Variants in EZH2 observed in about 807,000 individuals in gnomAD.
EZH2 encodes the protein histone-lysine N-methyltransferase EZH2.
In EZH2, 18 loss-of-function variants were observed where a neutral mutation model predicts 98.4. That is an observed-to-expected ratio of 0.18 (90% CI 0.13 to 0.27). The LOEUF (loss-of-function observed/expected upper bound fraction) is 0.27, where lower values mean the gene tolerates loss of function less well. Ranked by LOEUF, EZH2 falls within the 10% of genes least tolerant of loss-of-function variation. EZH2 has a pLI of 1.00. For missense variants in EZH2, 470 were observed against 935.1 expected, an observed-to-expected ratio of 0.50 and a Z score of 6.49; for synonymous variants, 338 against 312.3, an observed-to-expected ratio of 1.08 and a Z score of -0.87.
intron 5 of EZH2, 97 bp from the exon 6 acceptor site, chr7:148,828,977 T>C: frequency 8.7e-7 from 1 of 1,153,492 alleles, no homozygotes; most frequent in South Asian, 1.4e-5. Context: ...CATAGCCTAG[T>C]AACTGGCACT....
intron 9 of EZH2, among the ~76,000 whole-genome samples, chr7:148,818,814 A>G (rs1446100933): frequency 6.6e-6 from 1 of 152,218 alleles, no homozygotes; most frequent in Non-Finnish European, 1.5e-5. Flanking sequence ...AGACCACAGA[A>G]ACATTTTAGA....
At position 148,826,208 on chromosome 7, in the gene EZH2, GA is replaced by G. The variant is rs910671757; in HGVS notation, c.907+245del. Among the ~76,000 whole-genome samples the G allele has an allele frequency of 0.017, 2,366 of 138,574 alleles. 20 individuals carry two copies. Among genetic ancestry groups the G allele is most frequent in the African/African-American group, 0.024 (897 of 37,822 alleles). The allele number at this position is 138,574 out of a possible 152,430, so 90.9% of individuals were successfully genotyped here. A position where few individuals can be genotyped will look rare whatever the true frequency, so the allele number is the denominator to read the frequency against. On this transcript the variant is annotated intron_variant, in intron 8 of 19. Coordinates refer to ENST00000320356, the MANE Select transcript of EZH2 (RefSeq NM_004456.5). ...AACTGCTTAGTTAGCACTTACGGGG[GA>G]AAAAAAAAAAAATCACTGACCTGAA...
chr7:148,835,159 C>CCAAAGT (rs1810541252), intron 3 of EZH2, among the ~76,000 whole-genome samples: 1 of 152,136 alleles, frequency 6.6e-6, no homozygotes, highest in South Asian at 2.1e-4. Context: ...GTGGCTCAAG[C>CCAAAGT]GTATAATCTC....
chr7:148,826,417 C>T (rs1807735601), intron 8 of EZH2, 37 bp downstream of exon 8: 1 of 1,487,758 alleles, frequency 6.7e-7, no homozygotes, highest in Non-Finnish European at 9.0e-7. Flanking sequence ...TGCTTTAAAA[C>T]ATAATTCCAC....
rs369310375 is a variant in EZH2, at chr7:148,828,728, A to C, written c.625+12T>G. On this transcript the variant is annotated intron_variant, in intron 6 of 19. Transcript: ENST00000320356. Reference sequence around the variant, plus strand: ...TGTAATGGCTACACAGAATCCTAATAATCAGGCATACCATCTCGGTGATCC... The same window carrying C: ...TGTAATGGCTACACAGAATCCTAATCATCAGGCATACCATCTCGGTGATCC... The C allele has an allele frequency of 8.9e-5, 144 of 1,609,954 alleles. No homozygotes were observed. The highest frequency in any genetic ancestry group is 1.2e-4 in the Non-Finnish European group (137 of 1,179,192).
Position 148,847,163 on chromosome 7 carries a change from A to G in EZH2, c.117+19T>C. On this transcript the variant is annotated intron_variant, in intron 2 of 19. Coordinates refer to ENST00000320356, the MANE Select transcript of EZH2 (RefSeq NM_004456.5). ...TATCCTTAATTGTATATTCATTTTC[A>G]CAAAAGATAAAATTATACCTTTACT... 2 of 1,592,660 alleles carry G rather than the reference A, an allele frequency of 1.3e-6. No homozygotes were observed. The highest frequency in any genetic ancestry group is 1.4e-5 in the African/African-American group (1 of 73,526).
intron 3 of EZH2, among the ~76,000 whole-genome samples, chr7:148,841,922 C>A (rs747310609): frequency 6.6e-6 from 1 of 152,100 alleles, no homozygotes; most frequent in South Asian, 2.1e-4. Context: ...ATATCAAATG[C>A]TAAGCAATGA....
At chr7:148,866,571 TACGTATATAC>T (rs1818527279) in intron 1 of EZH2, among the ~76,000 whole-genome samples, 1 of 143,978 alleles carries the variant, frequency 6.9e-6, no homozygotes, top group Non-Finnish European at 1.5e-5. Flanking sequence ...TACATATATA[TACGTATATAC>T]ATATATTGTA....
At position 148,828,730 on chromosome 7, in the gene EZH2, T is replaced by C. The variant is rs1309627226; in HGVS notation, c.625+10A>G. The C allele has an allele frequency of 3.1e-6, 5 of 1,610,084 alleles. No individual in the cohort carries two copies. In the South Asian group the frequency reaches 5.5e-5, roughly 18 times the overall value. On this transcript the variant is annotated intron_variant, in intron 6 of 19. Coordinates refer to ENST00000320356, the MANE Select transcript of EZH2 (RefSeq NM_004456.5). The stretch of plus-strand genomic sequence containing the variant: ...TAATGGCTACACAGAATCCTAATAA[T>C]CAGGCATACCATCTCGGTGATCCTC...
At chr7:148,841,476 G>A (rs1812424129) in intron 3 of EZH2, among the ~76,000 whole-genome samples, 2 of 152,152 alleles carry the variant, frequency 1.3e-5, no homozygotes, top group Non-Finnish European at 2.9e-5. Context: ...AAGAATGAGT[G>A]TATATGTTCA....
intron 8 of EZH2, 23 bp from the exon 9 acceptor site, chr7:148,819,710 A>G (rs892242017): frequency 6.3e-7 from 1 of 1,593,268 alleles, no homozygotes; most frequent in South Asian, 1.1e-5. Flanking sequence ...TGAAACAAAG[A>G]ATCTAATATA....
intron 1 of EZH2, among the ~76,000 whole-genome samples, chr7:148,854,278 T>C (rs1013266067): frequency 6.6e-6 from 1 of 151,872 alleles, no homozygotes; most frequent in African/African-American, 2.4e-5. Context: ...CTACTAAAAA[T>C]ACAAAAAATT....
chr7:148,860,171 A>T (rs773374992), intron 1 of EZH2, among the ~76,000 whole-genome samples: 2 of 152,184 alleles, frequency 1.3e-5, no homozygotes, highest in African/African-American at 2.4e-5. Context: ...TAAGGAACTT[A>T]TATGAAATCA....
chr7:148,807,725 G>C lies in EZH2; in HGVS notation c.2196-19C>G, dbSNP rs1801839638. On this transcript the variant is annotated intron_variant, in intron 19 of 19. Coordinates refer to ENST00000320356, the MANE Select transcript of EZH2 (RefSeq NM_004456.5). The stretch of plus-strand genomic sequence containing the variant: ...GCTGTATCTGAAACAACAGGAAGGA[G>C]ATGTCCGCTGGATGGCCACCCATCC... 3 of 1,565,120 alleles carry C rather than the reference G, an allele frequency of 1.9e-6. No homozygotes were observed. Among genetic ancestry groups the C allele is most frequent in the Non-Finnish European group, 2.6e-6 (3 of 1,153,694 alleles).
chr7:148,850,889 A>G (rs1407365090), intron 1 of EZH2, among the ~76,000 whole-genome samples: 3 of 152,244 alleles, frequency 2.0e-5, no homozygotes, highest in Non-Finnish European at 2.9e-5. Flanking sequence ...ACTGACAGCA[A>G]TAACTAATGG....
intron 12 of EZH2, 25 bp downstream of exon 12, chr7:148,816,659 C>G (rs1804641833): frequency 1.3e-6 from 2 of 1,578,958 alleles, no homozygotes; most frequent in Non-Finnish European, 1.7e-6. Context: ...GTTGACTTCT[C>G]TAAGGAGCTT....
chr7:148,813,903 T>C (rs1584907975), intron 15 of EZH2, 56 bp downstream of exon 15: 2 of 1,545,546 alleles, frequency 1.3e-6, no homozygotes, highest in African/African-American at 2.7e-5. Flanking sequence ...ATCCTGACAT[T>C]TGCATCACTA....
At chr7:148,815,607 A>G in intron 12 of EZH2, 61 bp from the exon 13 acceptor site, 2 of 1,453,408 alleles carry the variant, frequency 1.4e-6, no homozygotes, top group Non-Finnish European at 1.9e-6. Context: ...TCCAACAGAG[A>G]GCTGCTTAAC....
chr7:148,813,893 A>G lies in EZH2; in HGVS notation c.1851+66T>C, dbSNP rs938284682. The G allele has an allele frequency of 6.6e-6, 10 of 1,513,764 alleles. No individual in the cohort carries two copies. The African/African-American group carries it at 1.1e-4, about 17-fold the overall frequency. The allele number at this position is 1,513,764 out of a possible 1,614,324, so 93.8% of individuals were successfully genotyped here. A position where few individuals can be genotyped will look rare whatever the true frequency, so the allele number is the denominator to read the frequency against. ...TGCCCCAGCTAAATCATCTAAGGCA[A>G]TCCTGACATTTGCATCACTAAATAG... is the stretch of plus-strand genomic sequence containing the variant. On this transcript the variant is annotated intron_variant, in intron 15 of 19. Coordinates refer to ENST00000320356, the MANE Select transcript of EZH2 (RefSeq NM_004456.5).
Sources: allele counts gnomAD v4.1 joint callset (sites outside exome capture counted in the v4.1 genomes callset), GRCh38; gene constraint gnomAD v4.1.1; transcripts MANE v1.5; gene names NCBI Gene and HGNC (gene_info 2026-07-23, HGNC 2026-07-21).